Variants in SIRT2 observed in about 807,000 individuals in gnomAD.
The protein encoded by SIRT2 is sirtuin 2, also known as NAD-dependent protein deacetylase sirtuin-2.
A neutral mutation model predicts 57.4 loss-of-function variants in SIRT2; 40 were observed. The ratio of observed to expected loss-of-function variants is 0.70; its 90% CI spans 0.54 to 0.91. The LOEUF is 0.91. Ranked by LOEUF, SIRT2 falls within the 40% of genes least tolerant of loss-of-function variation. SIRT2 has a pLI of 0.00. For missense variants in SIRT2, 439 were observed against 510.4 expected (o/e 0.86, Z 1.35); for synonymous variants, 161 against 195.7 (o/e 0.82, Z 1.48).
chr19:38,893,992 G>A (rs1000255777), intron 2 of SIRT2, 125 bp from the exon 3 acceptor site: 5 of 1,538,440 alleles, frequency 3.3e-6, no homozygotes, highest in Admixed American at 2.0e-5. Flanking sequence ...GCGGGGTGGT[G>A]GAGAGACTGC....
chr19:38,879,906 A>C, intron 13 of SIRT2: 1 of 552,682 alleles, frequency 1.8e-6, no homozygotes, highest in African/African-American at 1.9e-5. Context: ...GCTCACTGCA[A>C]CCTCCACCTC....
At chr19:38,899,037 AGAG>A (rs963451519) in intron 1 of SIRT2, 1 of 202,812 alleles carries the variant, frequency 4.9e-6, no homozygotes, top group African/African-American at 2.3e-5. Context: ...AGAAAGGAAA[AGAG>A]AAGGGAAGAG....
Position 38,883,621 on chromosome 19 carries a change from C to A in SIRT2, c.631+6G>T. ...GGCCTGCCCTCAGGATGCCCTCCAG[C>A]CTCACCTTTCATCCAGCTTAGCGGG... On this transcript the variant is annotated splice_donor_region_variant and intron_variant, in intron 9 of 15. Transcript: ENST00000249396. 6.2e-7 allele frequency: 1 copy of A among 1,612,848 alleles called. No homozygotes were observed. The highest frequency in any genetic ancestry group is 8.5e-7 in the Non-Finnish European group (1 of 1,179,072).
At chr19:38,891,902 C>T (rs887721239) in intron 4 of SIRT2, 1 of 469,522 alleles carries the variant, frequency 2.1e-6, no homozygotes, top group Non-Finnish European at 4.4e-6. Context: ...CAGCTGCTCG[C>T]CTGCCGCAGG....
At chr19:38,896,993 C>T (rs1973737350) in intron 2 of SIRT2, among the ~76,000 whole-genome samples, 1 of 152,122 alleles carries the variant, frequency 6.6e-6, no homozygotes, top group South Asian at 2.1e-4. Context: ...GACTGCCTGT[C>T]CACCTCTCCT....
At chr19:38,895,935 G>A (rs1199128648) in intron 2 of SIRT2, among the ~76,000 whole-genome samples, 2 of 152,194 alleles carry the variant, frequency 1.3e-5, no homozygotes, top group Non-Finnish European at 2.9e-5. Flanking sequence ...AGCCAGGCAT[G>A]GTGGCACGTG....
intron 8 of SIRT2, among the ~76,000 whole-genome samples, chr19:38,885,713 T>C (rs1029862634): frequency 6.6e-6 from 1 of 151,566 alleles, no homozygotes; most frequent in Admixed American, 6.6e-5. Context: ...GCCTCAGCCT[T>C]CCAGGTAGCT....
chr19:38,896,766 A>G (rs1874931777), intron 2 of SIRT2, among the ~76,000 whole-genome samples: 1 of 152,146 alleles, frequency 6.6e-6, no homozygotes, highest in Non-Finnish European at 1.5e-5. Context: ...AGGCTCTTAT[A>G]TCCTTAGCAA....
rs1973123223 is a variant in SIRT2 at position 38,880,750 on chromosome 19, G to A, written c.825-14C>T. 1 of 1,609,296 alleles carries A rather than the reference G, an allele frequency of 6.2e-7. No individual in the cohort carries two copies. Among genetic ancestry groups the A allele is most frequent in the Non-Finnish European group, 8.5e-7 (1 of 1,176,418 alleles). ...GAGAGGGGTGCCCTGTGGGGAGGGG[G>A]AGCTAAGGGGTCAGGGTCTGTCCTG... On this transcript the variant is annotated splice_polypyrimidine_tract_variant and intron_variant, in intron 12 of 15. Transcript: ENST00000249396. The surrounding 1 kb of genome is among the most constrained non-coding windows in gnomAD (Gnocchi z 4.1).
At chr19:38,898,234 A>G (rs549895697) in intron 2 of SIRT2, 145 bp downstream of exon 2, 42 of 483,268 alleles carry the variant, frequency 8.7e-5, no homozygotes, top group Non-Finnish European at 1.4e-4. Flanking sequence ...GCCTTTCCCC[A>G]GAAAGCTGCA....
chr19:38,886,620 A>ATT (rs551831229), intron 8 of SIRT2, among the ~76,000 whole-genome samples: 7 of 138,744 alleles, frequency 5.0e-5, no homozygotes, highest in South Asian at 2.3e-4. Flanking sequence ...TGCCTGGCTA[A>ATT]TTTTTTTTTT....
chr19:38,891,032 G>C (rs754936348), intron 4 of SIRT2, among the ~76,000 whole-genome samples: 4 of 152,248 alleles, frequency 2.6e-5, no homozygotes, highest in Non-Finnish European at 5.9e-5. Context: ...GGCTACATGT[G>C]GTCTGGATTC....
Position 38,880,642 on chromosome 19 carries a change from AG to A in SIRT2, c.876+42del, listed in dbSNP as rs777156634. On this transcript the variant is annotated intron_variant, in intron 13 of 15. Transcript: ENST00000249396. The surrounding 1 kb of genome is among the most constrained non-coding windows in gnomAD (Gnocchi z 4.1). ...CCTCTGAGGAAAAGGGTGAGAGGGA[AG>A]GGGGAGCCTGTGACGACGGGGGCTT... is the stretch of plus-strand genomic sequence containing the variant. The A allele has an allele frequency of 3.5e-6, 5 of 1,421,256 alleles. No homozygotes were observed. The highest frequency in any genetic ancestry group is 4.8e-6 in the Non-Finnish European group (5 of 1,043,022). The allele number at this position is 1,421,256 out of a possible 1,614,324, so 88.0% of individuals were successfully genotyped here.
intron 10 of SIRT2, 61 bp downstream of exon 10, chr19:38,881,371 C>A (rs186431467): frequency 1.3e-6 from 2 of 1,483,068 alleles, no homozygotes; most frequent in Non-Finnish European, 1.9e-6. Flanking sequence ...GGGAGGGGGT[C>A]AGGGGGAGGA....
chr19:38,894,978 G>A (rs1389389431), intron 2 of SIRT2: 1 of 454,570 alleles, frequency 2.2e-6, no homozygotes, highest in African/African-American at 2.0e-5. Flanking sequence ...AATGGACCCT[G>A]GCATCTCCTC....
rs746925867 is a variant in SIRT2 at position 38,899,472 on chromosome 19, C to A, written c.16+34G>T. On this transcript the variant is annotated intron_variant, in intron 1 of 15. Transcript: ENST00000249396. The stretch of plus-strand genomic sequence containing the variant: ...TGCAGCATTCAGCCAGGCCCCGGCG[C>A]GGCCCGACCCTCCTACCCGGATCCC... 5.6e-6 allele frequency: 9 copies of A among 1,611,156 alleles called. No homozygotes were observed. The African/African-American group carries it at 1.2e-4, about 22-fold the overall frequency.
rs764030062 is a variant in SIRT2 at position 38,899,594 on chromosome 19, C to T, written c.-73G>A. 6.3e-7 allele frequency: 1 copy of T among 1,598,326 alleles called. No individual in the cohort carries two copies. The highest frequency in any genetic ancestry group is 8.6e-7 in the Non-Finnish European group (1 of 1,166,250). Reference sequence around the variant, plus strand: ...GTCACCAACCACTGTGTCCCGTCACCGACTGCTCTGTCCTGTCACCGACTG... The same window carrying T: ...GTCACCAACCACTGTGTCCCGTCACTGACTGCTCTGTCCTGTCACCGACTG... On this transcript the variant is annotated 5_prime_UTR_variant, in exon 1 of 16. Coordinates refer to ENST00000249396, the MANE Select transcript of SIRT2 (RefSeq NM_012237.4).
chr19:38,894,014 C>T (rs1973636888), intron 2 of SIRT2, 147 bp from the exon 3 acceptor site: 1 of 1,478,700 alleles, frequency 6.8e-7, no homozygotes, highest in South Asian at 1.4e-5. Context: ...CTGGGGCTAG[C>T]TCCAGGGCTC....
rs961659526 is a variant in SIRT2, at chr19:38,893,993, G to C, written c.64-126C>G. 11 of 1,537,318 alleles carry C rather than the reference G, an allele frequency of 7.2e-6. No individual in the cohort carries two copies. The South Asian group carries it at 1.1e-4, about 16-fold the overall frequency. ...TGGCCTGAGGAAGTGCGGGGTGGTGGAGAGACTGCACTGGGGCTAGCTCCA... is the reference window on the plus strand; with the variant it reads ...TGGCCTGAGGAAGTGCGGGGTGGTGCAGAGACTGCACTGGGGCTAGCTCCA... On this transcript the variant is annotated intron_variant, in intron 2 of 15. Coordinates refer to ENST00000249396, the MANE Select transcript of SIRT2 (RefSeq NM_012237.4).
Sources: gnomAD v4.1 joint callset for allele counts (sites outside exome capture counted in the v4.1 genomes callset) on GRCh38, gnomAD v4.1.1 for gene constraint, Gnocchi (gnomAD v3.1) non-coding constraint, MANE v1.5 for transcripts, NCBI Gene and HGNC (gene_info 2026-07-23, HGNC 2026-07-21) for gene names.